The following ERC1 variants were observed in gnomAD, a reference collection of about 807,000 sequenced individuals.
ERC1 encodes the protein ELKS/RAB6-interacting/CAST family member 1.
ERC1 carries 56 observed loss-of-function variants against 132.0 expected under a neutral mutation model. That is an observed-to-expected ratio of 0.42 (90% CI 0.34 to 0.53). ERC1 has a LOEUF of 0.53. Among genes scored for constraint, ERC1 ranks in the 20% least tolerant of loss-of-function variants. ERC1 has a pLI of 0.03. For synonymous variants in ERC1, 478 were observed against 476.1 expected, an observed-to-expected ratio of 1.00 and a Z score of -0.05; for missense variants, 1,202 against 1,349.9, an observed-to-expected ratio of 0.89 and a Z score of 1.72.
At chr12:1,468,616 AAAAG>A (rs775455962) in intron 18 of ERC1, among the ~76,000 whole-genome samples, 14 of 152,074 alleles carry the variant, frequency 9.2e-5, no homozygotes, top group Middle Eastern at 3.4e-3. Flanking sequence ...GAAAGACAGA[AAAAG>A]AGAGAGAGAG....
rs576473540 is a variant in ERC1, at chr12:1,308,163, CAT to C, written c.2780+18152_2780+18153del. ...GAGAATCAGTGGGCTGCCAAACAGT[CAT>C]GTGTTCATAGGTGAGGTTCTGTTTC... On this transcript the variant is annotated intron_variant, in intron 15 of 18. Coordinates refer to ENST00000360905, the MANE Select transcript of ERC1 (RefSeq NM_178040.4). 7.4e-3 allele frequency among the ~76,000 whole-genome samples: 1,133 copies of C among 152,250 alleles called. 16 individuals are homozygous for C. The highest frequency in any genetic ancestry group is 0.026 in the African/African-American group (1,074 of 41,550).
intron 17 of ERC1, among the ~76,000 whole-genome samples, chr12:1,421,726 C>T (rs2092437121): frequency 6.6e-6 from 1 of 151,924 alleles, no homozygotes; most frequent in Admixed American, 6.6e-5. Context: ...GAAAAGTAAG[C>T]TAGGGAACGG....
chr12:1,283,980 C>T (rs2078868299), intron 14 of ERC1, among the ~76,000 whole-genome samples: 3 of 152,236 alleles, frequency 2.0e-5, no homozygotes, highest in Admixed American at 2.0e-4. Context: ...CCCTACTGTG[C>T]TATTGAACAC....
At chr12:1,133,463 T>G (rs1339915517) in intron 7 of ERC1, among the ~76,000 whole-genome samples, 1 of 152,182 alleles carries the variant, frequency 6.6e-6, no homozygotes, top group Non-Finnish European at 1.5e-5. Flanking sequence ...GTAGCAACAC[T>G]GGCTGGCTTG....
intron 8 of ERC1, among the ~76,000 whole-genome samples, chr12:1,148,620 G>A (rs1228388053): frequency 3.3e-5 from 5 of 151,710 alleles, no homozygotes; most frequent in Non-Finnish European, 5.9e-5. Flanking sequence ...ATTATTTTTT[G>A]AGACTGAGTC....
At chr12:1,401,455 T>C (rs2091060006) in intron 16 of ERC1, among the ~76,000 whole-genome samples, 1 of 152,102 alleles carries the variant, frequency 6.6e-6, no homozygotes, top group South Asian at 2.1e-4. Flanking sequence ...TTTCCTCTGG[T>C]GTATGTTTGG....
At chr12:1,362,434 G>GTCTC (rs528652390) in intron 15 of ERC1, among the ~76,000 whole-genome samples, 2,702 of 151,010 alleles carry the variant, frequency 0.018, 80 homozygotes, top group African/African-American at 0.063. Flanking sequence ...TCAGAGCTCT[G>GTCTC]TCTCTCTCTC....
chr12:1,031,953 G>A (rs1397678881), intron 2 of ERC1, among the ~76,000 whole-genome samples: 1 of 152,090 alleles, frequency 6.6e-6, no homozygotes, highest in African/African-American at 2.4e-5. Context: ...CTGGAGATGG[G>A]GTCCAGGAAC....
chr12:1,161,336 C>CTGGA (rs1951869080), intron 8 of ERC1, among the ~76,000 whole-genome samples: 1 of 152,118 alleles, frequency 6.6e-6, no homozygotes, highest in African/African-American at 2.4e-5. Flanking sequence ...GCATCTAAGC[C>CTGGA]TGGAGAGTGG....
chr12:1,282,076 C>T (rs1296059058), intron 14 of ERC1, among the ~76,000 whole-genome samples: 1 of 151,854 alleles, frequency 6.6e-6, no homozygotes, highest in Non-Finnish European at 1.5e-5. Flanking sequence ...GAAAAAGAAG[C>T]ATTTCTTTCA....
At chr12:1,111,184 A>G (rs1051435227) in intron 5 of ERC1, among the ~76,000 whole-genome samples, 1 of 152,134 alleles carries the variant, frequency 6.6e-6, no homozygotes, top group Admixed American at 6.5e-5. Context: ...ACCAAGACCT[A>G]TCAGTCTGTG....
Position 1,022,614 on chromosome 12 carries a change from C to T in ERC1, c.-156-5134C>T, listed in dbSNP as rs530089577. The stretch of plus-strand genomic sequence containing the variant: ...TGGAGGGACCTGGTGGTAGCTGAAT[C>T]GTGGGGTCGGTTACCCCATGCTGTT... On this transcript the variant is annotated intron_variant, in intron 1 of 18. Transcript: ENST00000360905. Among the ~76,000 whole-genome samples the T allele has an allele frequency of 9.3e-4, 142 of 152,140 alleles. 3 individuals carry two copies. The highest frequency in any genetic ancestry group is 8.5e-4 in the Admixed American group (13 of 15,278).
At chr12:1,093,286 G>C (rs1361242326) in intron 3 of ERC1, among the ~76,000 whole-genome samples, 2 of 144,074 alleles carry the variant, frequency 1.4e-5, no homozygotes, top group African/African-American at 4.9e-5. Context: ...TTGTTTGACC[G>C]CTTATTCTTA....
intron 16 of ERC1, among the ~76,000 whole-genome samples, chr12:1,394,047 A>AAAAAC (rs1566758165): frequency 1.7e-5 from 1 of 59,884 alleles, no homozygotes; most frequent in African/African-American, 9.4e-5. Context: ...AAAAAAAACC[A>AAAAAC]CAAAGCATTA....
intron 16 of ERC1, among the ~76,000 whole-genome samples, chr12:1,392,710 G>T (rs1468047330): frequency 2.6e-5 from 4 of 152,128 alleles, no homozygotes; most frequent in Non-Finnish European, 5.9e-5. Context: ...ATTATAAGTG[G>T]AAATATTTCA....
intron 15 of ERC1, among the ~76,000 whole-genome samples, chr12:1,370,843 C>T (rs749107404): frequency 3.3e-5 from 5 of 152,102 alleles, no homozygotes; most frequent in African/African-American, 4.8e-5. Flanking sequence ...ACCTTAGTCT[C>T]CCGAGTAGTG....
intron 8 of ERC1, among the ~76,000 whole-genome samples, chr12:1,173,159 T>A (rs1953269398): frequency 6.6e-6 from 1 of 152,208 alleles, no homozygotes; most frequent in Non-Finnish European, 1.5e-5. Context: ...GGAAAGATGC[T>A]TTATGTGATT....
intron 17 of ERC1, among the ~76,000 whole-genome samples, chr12:1,424,452 T>A (rs1432268766): frequency 4.6e-5 from 7 of 152,224 alleles, no homozygotes; most frequent in Admixed American, 1.3e-4. Context: ...ATTCTGTTCT[T>A]TAGCTGTTTA....
rs2093903763 is a variant in ERC1 at position 1,473,333 on chromosome 12, C to T, written c.3214-16760C>T. Among the ~76,000 whole-genome samples, 4 of 152,114 alleles carry T rather than the reference C, an allele frequency of 2.6e-5. No individual in the cohort carries two copies. The South Asian group carries it at 8.3e-4, about 32-fold the overall frequency. ...TGAGCCACTGCGCCCGGCCCAAACT[C>T]TCGTTTTTATTATGCCATTTTGTTC... On this transcript the variant is annotated intron_variant, in intron 18 of 18. Coordinates refer to ENST00000360905, the MANE Select transcript of ERC1 (RefSeq NM_178040.4).
Sources: allele counts gnomAD v4.1 joint callset (sites outside exome capture counted in the v4.1 genomes callset), GRCh38; gene constraint gnomAD v4.1.1; transcripts MANE v1.5; gene names NCBI Gene and HGNC (gene_info 2026-07-23, HGNC 2026-07-21).